KYNU: variants seen among roughly 807,000 people sequenced by gnomAD.
The protein encoded by KYNU is kynureninase, also known as L-kynurenine hydrolase.
KYNU carries 54 observed loss-of-function variants against 59.2 expected under a neutral mutation model. The ratio of observed to expected loss-of-function variants is 0.91; its 90% CI spans 0.73 to 1.14. The LOEUF (loss-of-function observed/expected upper bound fraction) is 1.14. Ranked by LOEUF, KYNU falls within the 50% of genes most tolerant of loss-of-function variation. The probability of loss-of-function intolerance (pLI) is 0.00; values close to 1 mark genes in which losing one functional copy is unlikely to be tolerated. For synonymous variants in KYNU, 177 were observed against 192.0 expected (o/e 0.92, Z 0.65); for missense variants, 567 against 554.4 (o/e 1.02, Z -0.23).
At position 142,961,193 on chromosome 2, in the gene KYNU, A is replaced by AC. The variant is rs990803954; in HGVS notation, c.729+423_729+424insC. 3.8e-5 allele frequency among the ~76,000 whole-genome samples: 4 copies of AC among 105,094 alleles called. No individual in the cohort carries two copies. In the African/African-American group the frequency reaches 4.4e-4, roughly 12 times the overall value. The allele number at this position is 105,094 out of a possible 152,430, so 68.9% of individuals were successfully genotyped here. A position where few individuals can be genotyped will look rare whatever the true frequency, so the allele number is the denominator to read the frequency against. ...GGGCAACAGAGCAAGACTCCATCTC[A>AC]AAAAAAAAAAAGCGAGTAAATCTTA... On this transcript the variant is annotated intron_variant, in intron 8 of 13. Transcript: ENST00000264170.
intron 2 of KYNU, among the ~76,000 whole-genome samples, chr2:142,906,434 A>G (rs1235272490): frequency 6.6e-6 from 1 of 152,142 alleles, no homozygotes; most frequent in East Asian, 1.9e-4. Context: ...TTACAAACTC[A>G]GGGCCTGGCA....
At position 143,053,453 on chromosome 2, in the gene KYNU, T is replaced by G. The variant is rs1056968440; in HGVS notation, c.*11281T>G. On this transcript the variant is annotated 3_prime_UTR_variant, in exon 14 of 14. Transcript: ENST00000264170. ...TGATTGGTTTTGAAATGTGAGAACA[T>G]TTAAGAGGGGCCAGGGGCAGAATGA... 3.9e-5 allele frequency: 6 copies of G among 152,172 alleles called. No homozygotes were observed. The highest frequency in any genetic ancestry group is 7.3e-5 in the Non-Finnish European group (5 of 68,032). 9.4% of individuals were successfully genotyped at this position (152,172 alleles called of 1,614,324 possible).
At chr2:143,008,108 C>A (rs1685970406) in intron 10 of KYNU, among the ~76,000 whole-genome samples, 1 of 116,886 alleles carries the variant, frequency 8.6e-6, no homozygotes, top group African/African-American at 3.9e-5. Context: ...AAGACACAGA[C>A]TGGCAAATTG....
chr2:143,020,968 AT>A (rs1470165697), intron 10 of KYNU, among the ~76,000 whole-genome samples: 5 of 152,170 alleles, frequency 3.3e-5, no homozygotes, highest in Non-Finnish European at 5.9e-5. Flanking sequence ...AGACTTTTGT[AT>A]TTTTGTCAAT....
chr2:143,028,222 A>T (rs2104911064), intron 10 of KYNU, among the ~76,000 whole-genome samples: 1 of 125,884 alleles, frequency 7.9e-6, no homozygotes, highest in Non-Finnish European at 1.8e-5. Flanking sequence ...TTTGTATTTT[A>T]TGTCTGGCTT....
intron 8 of KYNU, among the ~76,000 whole-genome samples, chr2:142,975,707 A>G (rs932445616): frequency 6.6e-6 from 1 of 152,176 alleles, no homozygotes; most frequent in African/African-American, 2.4e-5. Flanking sequence ...GAGCTCTCCC[A>G]TCTCCCTAAT....
intron 8 of KYNU, among the ~76,000 whole-genome samples, chr2:142,983,970 A>G (rs112897820): frequency 0.016 from 2,435 of 152,116 alleles, 64 homozygotes; most frequent in African/African-American, 0.056. Flanking sequence ...ATATGTAATC[A>G]GAAAAGGCAG....
chr2:143,027,625 C>G (rs934905783), intron 10 of KYNU, among the ~76,000 whole-genome samples: 2 of 152,102 alleles, frequency 1.3e-5, no homozygotes, highest in African/African-American at 4.8e-5. Flanking sequence ...CTTCTCTTCC[C>G]CATCTCTGGT....
chr2:142,900,708 C>A (rs1047750664), intron 2 of KYNU, among the ~76,000 whole-genome samples: 1 of 152,128 alleles, frequency 6.6e-6, no homozygotes, highest in Non-Finnish European at 1.5e-5. Context: ...ACAGGAAAAC[C>A]CAAGTGCTGT....
intron 4 of KYNU, among the ~76,000 whole-genome samples, chr2:142,942,711 A>G (rs958809144): frequency 6.6e-6 from 1 of 152,220 alleles, no homozygotes; most frequent in African/African-American, 2.4e-5. Context: ...GAAGTAAAGT[A>G]TACTTGAAAG....
chr2:143,025,442 G>T (rs1001950585), intron 10 of KYNU, among the ~76,000 whole-genome samples: 1 of 152,004 alleles, frequency 6.6e-6, no homozygotes, highest in Non-Finnish European at 1.5e-5. Context: ...TTTTTCATTT[G>T]CTCACTACTT....
intron 4 of KYNU, among the ~76,000 whole-genome samples, chr2:142,943,911 A>G (rs185225120): frequency 2.6e-4 from 40 of 152,352 alleles, no homozygotes; most frequent in Non-Finnish European, 4.3e-4. Flanking sequence ...TTAATAAAAT[A>G]TACAGAACAT....
rs1687093344 is a variant in KYNU, at chr2:143,042,664, A to C, written c.*492A>C. On this transcript the variant is annotated 3_prime_UTR_variant, in exon 14 of 14. Transcript: ENST00000264170. ...TGTGTGTGTGTATATATATATATAT[A>C]TATCATATATATATGATAGTGGCTT... is the stretch of plus-strand genomic sequence containing the variant. 8.1e-6 allele frequency: 1 copy of C among 123,072 alleles called. No individual in the cohort carries two copies. The highest frequency in any genetic ancestry group is 1.8e-5 in the Non-Finnish European group (1 of 55,740). The allele number at this position is 123,072 out of a possible 1,614,324, so 7.6% of individuals were successfully genotyped here.
chr2:142,915,797 CAG>C (rs1682650170), intron 2 of KYNU, among the ~76,000 whole-genome samples: 1 of 152,142 alleles, frequency 6.6e-6, no homozygotes, highest in African/African-American at 2.4e-5. Flanking sequence ...AACTTTTAAG[CAG>C]AGTGCTATGG....
intron 10 of KYNU, among the ~76,000 whole-genome samples, chr2:142,999,808 A>G (rs1685659038): frequency 6.6e-6 from 1 of 152,120 alleles, no homozygotes; most frequent in Non-Finnish European, 1.5e-5. Flanking sequence ...GTATGGGTAA[A>G]AATAAATTTT....
At chr2:142,943,748 A>G (rs1447584342) in intron 4 of KYNU, among the ~76,000 whole-genome samples, 2 of 152,264 alleles carry the variant, frequency 1.3e-5, no homozygotes, top group African/African-American at 4.8e-5. Context: ...TAATCCCTGG[A>G]AGCTATCCCC....
chr2:142,942,160 G>GAA (rs56221582), intron 4 of KYNU, among the ~76,000 whole-genome samples: 62 of 96,326 alleles, frequency 6.4e-4, no homozygotes, highest in Non-Finnish European at 8.8e-4. Flanking sequence ...CTGGGTGACA[G>GAA]AAAAAAAAAA....
chr2:143,019,765 A>G (rs1358561955), intron 10 of KYNU, among the ~76,000 whole-genome samples: 1 of 152,100 alleles, frequency 6.6e-6, no homozygotes, highest in Non-Finnish European at 1.5e-5. Context: ...GGTAGAATTT[A>G]TTAGTGAATC....
At chr2:143,004,508 C>G (rs425353) in intron 10 of KYNU, among the ~76,000 whole-genome samples, 2 of 151,958 alleles carry the variant, frequency 1.3e-5, no homozygotes, top group Non-Finnish European at 2.9e-5. Flanking sequence ...GTCAGGTGGT[C>G]GAGACCAGCC....
Sources: gnomAD v4.1 joint callset for allele counts (sites outside exome capture counted in the v4.1 genomes callset) on GRCh38, gnomAD v4.1.1 for gene constraint, MANE v1.5 for transcripts, NCBI Gene and HGNC (gene_info 2026-07-23, HGNC 2026-07-21) for gene names.